KLHL32: variants seen among roughly 807,000 people sequenced by gnomAD.
KLHL32 encodes kelch like family member 32, also known as kelch-like protein 32.
A neutral mutation model predicts 64.8 loss-of-function variants in KLHL32; 35 were observed. The observed-to-expected ratio is 0.54, with a 90% confidence interval of 0.41 to 0.72. KLHL32 has a LOEUF of 0.72. KLHL32 is among the 30% of genes least tolerant of loss of function. KLHL32 has a pLI of 0.00. For missense variants in KLHL32, 589 were observed against 768.5 expected, an observed-to-expected ratio of 0.77 and a Z score of 2.76; for synonymous variants, 259 against 281.0, an observed-to-expected ratio of 0.92 and a Z score of 0.78.
chr6:97,040,800 G>A (rs1737643), intron 3 of KLHL32, among the ~76,000 whole-genome samples: 25,909 of 152,074 alleles, frequency 0.17, 2,528 homozygotes, highest in African/African-American at 0.28. Context: ...TCTCATGATA[G>A]TGAGTGAGTT....
intron 3 of KLHL32, among the ~76,000 whole-genome samples, chr6:96,996,703 T>A (rs1207349701): frequency 6.6e-6 from 1 of 152,092 alleles, no homozygotes; most frequent in African/African-American, 2.4e-5. Flanking sequence ...TCTCAAGCAA[T>A]AACAATAATA....
In KLHL32 at chr6:97,056,511, T is replaced by C. The variant is rs573555952; in HGVS notation, c.313-8117T>C. The stretch of plus-strand genomic sequence containing the variant: ...TCACTCCTTTCCAGGTGGCTTTGCT[T>C]GCTCCTCCCCACTCTGTAGGCTTCA... On this transcript the variant is annotated intron_variant, in intron 4 of 10. Transcript: ENST00000369261. Among the ~76,000 whole-genome samples the C allele has an allele frequency of 6.6e-5, 10 of 152,220 alleles. 1 individual carries two copies. In the South Asian group the frequency reaches 2.1e-3, roughly 32 times the overall value.
intron 1 of KLHL32, among the ~76,000 whole-genome samples, chr6:96,935,111 C>A (rs958257505): frequency 6.6e-6 from 1 of 152,140 alleles, no homozygotes; most frequent in African/African-American, 2.4e-5. Flanking sequence ...CAAAAATGAT[C>A]AAGGTTATGC....
chr6:96,908,742 C>T, the KLHL32 span, among the ~76,000 whole-genome samples: 9 of 151,912 alleles, frequency 5.9e-5, no homozygotes, highest in South Asian at 4.1e-4. Context: ...TCCGCACCCC[C>T]CTCCCTTTAC....
intron 6 of KLHL32, among the ~76,000 whole-genome samples, chr6:97,108,464 T>C (rs1796699375): frequency 6.6e-6 from 1 of 152,216 alleles, no homozygotes; most frequent in South Asian, 2.1e-4. Flanking sequence ...TAGTAGTCTT[T>C]AAGCTCCTTA....
chr6:97,063,276 T>TA (rs1192203457), intron 4 of KLHL32, among the ~76,000 whole-genome samples: 2 of 152,190 alleles, frequency 1.3e-5, no homozygotes, highest in Non-Finnish European at 2.9e-5. Flanking sequence ...TCCGAAACTA[T>TA]TTTGAAGATA....
intron 4 of KLHL32, among the ~76,000 whole-genome samples, chr6:97,046,881 T>G (rs2128132470): frequency 6.6e-6 from 1 of 152,368 alleles, no homozygotes; most frequent in Non-Finnish European, 1.5e-5. Flanking sequence ...GTATATAGAT[T>G]TGTAAAAATT....
At chr6:96,986,670 C>A (rs1414543952) in intron 3 of KLHL32, among the ~76,000 whole-genome samples, 1 of 152,196 alleles carries the variant, frequency 6.6e-6, no homozygotes, top group African/African-American at 2.4e-5. Flanking sequence ...ACCCTCCAAG[C>A]AATGCACGGG....
intron 4 of KLHL32, among the ~76,000 whole-genome samples, chr6:97,047,369 A>T (rs1333384567): frequency 6.6e-6 from 1 of 152,182 alleles, no homozygotes; most frequent in African/African-American, 2.4e-5. Context: ...ACAGCCATGC[A>T]TGGAGGCCAT....
chr6:97,049,573 G>A (rs1454609780), intron 4 of KLHL32, among the ~76,000 whole-genome samples: 2 of 142,824 alleles, frequency 1.4e-5, no homozygotes, highest in Admixed American at 7.2e-5. Flanking sequence ...AAGCGAAACC[G>A]TCGATAACGG....
rs150105590 is a variant in KLHL32, at chr6:97,017,655, C to G, written c.205-23837C>G. ...ACAAGAGTGTGGCAGAGATGGCCAG[C>G]CAATTTAGGTTTCTCTTTTGGGGAT... On this transcript the variant is annotated intron_variant, in intron 3 of 10. Coordinates refer to ENST00000369261, the MANE Select transcript of KLHL32 (RefSeq NM_052904.4). Among the ~76,000 whole-genome samples the G allele has an allele frequency of 4.3e-4, 66 of 152,146 alleles. 1 individual carries two copies. The East Asian group carries it at 0.012, about 27-fold the overall frequency.
At chr6:97,084,985 T>C (rs961145140) in intron 5 of KLHL32, 141 bp from the exon 6 acceptor site, 1 of 655,628 alleles carries the variant, frequency 1.5e-6, no homozygotes. Context: ...AATTGTGATT[T>C]CTTTTTTTTT....
chr6:97,055,795 C>CAAAAAAAAAAAA (rs1562286223), intron 4 of KLHL32, among the ~76,000 whole-genome samples: 1 of 31,282 alleles, frequency 3.2e-5, no homozygotes, highest in Non-Finnish European at 4.9e-5. Context: ...GAGAACCTGT[C>CAAAAAAAAAAAA]TAAAAAAAAA....
At chr6:96,955,439 G>A (rs1485099389) in intron 1 of KLHL32, among the ~76,000 whole-genome samples, 3 of 151,920 alleles carry the variant, frequency 2.0e-5, no homozygotes, top group African/African-American at 7.3e-5. Flanking sequence ...GATCTTGGGG[G>A]TTTATTGTTG....
chr6:97,084,877 C>G (rs1793147756), intron 5 of KLHL32, among the ~76,000 whole-genome samples: 1 of 152,070 alleles, frequency 6.6e-6, no homozygotes, highest in Non-Finnish European at 1.5e-5. Context: ...CCTTTCACTC[C>G]TTTTATTAAG....
upstream of KLHL32, among the ~76,000 whole-genome samples, chr6:96,920,587 C>T (rs529354443): frequency 1.3e-5 from 2 of 152,254 alleles, no homozygotes; most frequent in South Asian, 4.1e-4. Flanking sequence ...CACACACACA[C>T]ACATCTCCCT....
chr6:97,054,515 G>T (rs17057342), intron 4 of KLHL32, among the ~76,000 whole-genome samples: 11,096 of 152,138 alleles, frequency 0.073, 878 homozygotes, highest in Admixed American at 0.22. Context: ...GGATTAGCAG[G>T]GATCTGAATT....
chr6:97,044,961 C>T (rs1166117425), intron 4 of KLHL32, among the ~76,000 whole-genome samples: 2 of 151,778 alleles, frequency 1.3e-5, no homozygotes, highest in South Asian at 4.1e-4. Flanking sequence ...TGAAGTTTCA[C>T]TTTCATTAAT....
At chr6:97,003,067 C>T (rs7774638) in intron 3 of KLHL32, among the ~76,000 whole-genome samples, 23,901 of 152,052 alleles carry the variant, frequency 0.16, 2,142 homozygotes, top group East Asian at 0.38. Context: ...TTTGAGAAAT[C>T]GCCAAAGTTC....
Sources: allele counts gnomAD v4.1 joint callset (sites outside exome capture counted in the v4.1 genomes callset), GRCh38; gene constraint gnomAD v4.1.1; transcripts MANE v1.5; gene names NCBI Gene and HGNC (gene_info 2026-07-23, HGNC 2026-07-21).